WDFY2: variants seen among roughly 807,000 people sequenced by gnomAD.
WDFY2 encodes the protein WD repeat and FYVE domain containing 2.
Under a neutral mutation model 56.4 loss-of-function variants are expected in WDFY2, and 36 were observed. The observed-to-expected ratio is 0.64, with a 90% CI of 0.49 to 0.84. The LOEUF is 0.84. WDFY2 is among the 40% of genes least tolerant of loss of function. The pLI is 0.00. For missense variants in WDFY2, 444 were observed against 512.2 expected (o/e 0.87, Z 1.29); for synonymous variants, 176 against 183.7 (o/e 0.96, Z 0.34).
At chr13:51,742,259 G>T (rs1370185861) in intron 7 of WDFY2, among the ~76,000 whole-genome samples, 1 of 152,174 alleles carries the variant, frequency 6.6e-6, no homozygotes, top group East Asian at 1.9e-4. Flanking sequence ...AGCAGAGAAA[G>T]CTTTAGCACC....
At chr13:51,621,874 C>T (rs1441059821) in intron 1 of WDFY2, among the ~76,000 whole-genome samples, 1 of 151,946 alleles carries the variant, frequency 6.6e-6, no homozygotes, top group African/African-American at 2.4e-5. Flanking sequence ...AGAAACAGTC[C>T]CTGTTTCTCC....
chr13:51,669,574 G>T (rs1307300134), intron 2 of WDFY2, among the ~76,000 whole-genome samples: 3 of 152,108 alleles, frequency 2.0e-5, no homozygotes, highest in Non-Finnish European at 4.4e-5. Flanking sequence ...AGAAAAGGTA[G>T]ATGAGAAATC....
chr13:51,650,298 C>T (rs1271866981), intron 1 of WDFY2, among the ~76,000 whole-genome samples: 1 of 152,158 alleles, frequency 6.6e-6, no homozygotes, highest in East Asian at 1.9e-4. Context: ...TGCTTATCAG[C>T]TTAAGGAGAT....
chr13:51,586,321 A>G (rs970284077), intron 1 of WDFY2: 2 of 352,154 alleles, frequency 5.7e-6, no homozygotes, highest in Admixed American at 9.3e-5. Flanking sequence ...GATGGAACTG[A>G]TCAATTTCTA....
intron 4 of WDFY2, among the ~76,000 whole-genome samples, chr13:51,716,935 G>A (rs1036730974): frequency 1.3e-5 from 2 of 152,110 alleles, no homozygotes; most frequent in Non-Finnish European, 1.5e-5. Flanking sequence ...GAAAAATCAT[G>A]TTATTATATT....
At chr13:51,693,062 G>A (rs1951780163) in intron 3 of WDFY2, among the ~76,000 whole-genome samples, 1 of 152,128 alleles carries the variant, frequency 6.6e-6, no homozygotes, top group East Asian at 1.9e-4. Context: ...ATTTTTTATT[G>A]CGTCTATTTG....
chr13:51,605,388 G>C (rs896273384), intron 1 of WDFY2, among the ~76,000 whole-genome samples: 45 of 152,190 alleles, frequency 3.0e-4, no homozygotes, highest in African/African-American at 1.1e-3. Flanking sequence ...TTATCTCAAA[G>C]TTTGTGAGGA....
chr13:51,749,903 A>G (rs916792111), intron 7 of WDFY2, among the ~76,000 whole-genome samples: 10 of 152,194 alleles, frequency 6.6e-5, no homozygotes, highest in South Asian at 2.1e-4. Context: ...TAGTTATTCA[A>G]TTCAGCTGAA....
intron 1 of WDFY2, among the ~76,000 whole-genome samples, chr13:51,635,980 C>T (rs1353560631): frequency 6.6e-6 from 1 of 152,156 alleles, no homozygotes; most frequent in Admixed American, 6.5e-5. Context: ...TATGGAAGCA[C>T]CTACATACAC....
At chr13:51,738,358 T>A (rs889921013) in intron 6 of WDFY2, among the ~76,000 whole-genome samples, 1 of 152,246 alleles carries the variant, frequency 6.6e-6, no homozygotes, top group Non-Finnish European at 1.5e-5. Flanking sequence ...ACATCTATAC[T>A]GCACAACAAG....
At chr13:51,630,310 T>A (rs1004632439) in intron 1 of WDFY2, among the ~76,000 whole-genome samples, 1 of 152,222 alleles carries the variant, frequency 6.6e-6, no homozygotes, top group Non-Finnish European at 1.5e-5. Flanking sequence ...TAGAGTAGAT[T>A]TCTGTAAGTG....
intron 1 of WDFY2, among the ~76,000 whole-genome samples, chr13:51,638,835 C>T (rs1037514268): frequency 2.0e-5 from 3 of 152,136 alleles, no homozygotes; most frequent in African/African-American, 7.2e-5. Context: ...TGGCCTTTGG[C>T]GAAGGGACTA....
chr13:51,762,366 A>AGCCACTCAGAGG lies in WDFY2; in HGVS notation c.*2598_*2609dup, dbSNP rs1374542695. The AGCCACTCAGAGG allele has an allele frequency of 6.6e-6, 1 of 152,272 alleles. No individual in the cohort carries two copies. The highest frequency in any genetic ancestry group is 1.5e-5 in the Non-Finnish European group (1 of 68,076). 9.4% of individuals were successfully genotyped at this position (152,272 alleles called of 1,614,324 possible). ...CTACCTTCTCCCTCCCAGCCCACAG[A>AGCCACTCAGAGG]GCCACTCAGAGGCTGAAGCCACTTC... On this transcript the variant is annotated 3_prime_UTR_variant, in exon 12 of 12. Coordinates refer to ENST00000298125, the MANE Select transcript of WDFY2 (RefSeq NM_052950.4).
intron 2 of WDFY2, among the ~76,000 whole-genome samples, chr13:51,673,275 A>G (rs1955835048): frequency 6.6e-6 from 1 of 152,220 alleles, no homozygotes. Flanking sequence ...TTTTCTAATT[A>G]TAGCATAACC....
At chr13:51,734,628 G>T (rs1952796546) in intron 6 of WDFY2, among the ~76,000 whole-genome samples, 1 of 152,162 alleles carries the variant, frequency 6.6e-6, no homozygotes, top group Admixed American at 6.5e-5. Flanking sequence ...ATGACATAAA[G>T]TACATTCACA....
chr13:51,755,664 T>C (rs1055462652), intron 9 of WDFY2, among the ~76,000 whole-genome samples: 4 of 152,194 alleles, frequency 2.6e-5, no homozygotes, highest in Admixed American at 2.0e-4. Flanking sequence ...TGGTTCCCAG[T>C]AAGCAGTTAG....
At chr13:51,698,516 C>G (rs964988663) in intron 3 of WDFY2, among the ~76,000 whole-genome samples, 1 of 152,118 alleles carries the variant, frequency 6.6e-6, no homozygotes, top group Non-Finnish European at 1.5e-5. Context: ...CAGTGATTAC[C>G]TAATCTTGGT....
Position 51,767,277 on chromosome 13 carries a change from T to G in WDFY2, c.*7508T>G, listed in dbSNP as rs1411888976. 3 of 152,252 alleles carry G rather than the reference T, an allele frequency of 2.0e-5. No homozygotes were observed. Among genetic ancestry groups the G allele is most frequent in the Non-Finnish European group, 4.4e-5 (3 of 68,038 alleles). The allele number at this position is 152,252 out of a possible 1,614,324, so 9.4% of individuals were successfully genotyped here. ...CCAGCATTGCTGAGGCCCATCATCC[T>G]CCTGCAGAAAAGGAGGCATGCAGTT... On this transcript the variant is annotated 3_prime_UTR_variant, in exon 12 of 12. Coordinates refer to ENST00000298125, the MANE Select transcript of WDFY2 (RefSeq NM_052950.4).
At chr13:51,744,857 C>G (rs1953057857) in intron 7 of WDFY2, among the ~76,000 whole-genome samples, 1 of 152,180 alleles carries the variant, frequency 6.6e-6, no homozygotes, top group Non-Finnish European at 1.5e-5. Context: ...ACGTGTAAAC[C>G]TGGGATGTTC....
Sources: allele counts gnomAD v4.1 joint callset (sites outside exome capture counted in the v4.1 genomes callset), GRCh38; gene constraint gnomAD v4.1.1; transcripts MANE v1.5; gene names NCBI Gene and HGNC (gene_info 2026-07-23, HGNC 2026-07-21).